The following FAM184B variants were observed in gnomAD, a reference collection of about 807,000 sequenced individuals.
The protein encoded by FAM184B is family with sequence similarity 184 member B, also known as protein FAM184B.
A neutral mutation model predicts 135.9 loss-of-function variants in FAM184B; 111 were observed. The observed-to-expected ratio is 0.82, with a 90% CI of 0.70 to 0.96. The LOEUF (loss-of-function observed/expected upper bound fraction) is 0.96. Ranked by LOEUF, FAM184B falls within the 40% of genes least tolerant of loss-of-function variation. FAM184B has a pLI of 0.00. For synonymous variants in FAM184B, 552 were observed against 524.8 expected (o/e 1.05, Z -0.71); for missense variants, 1,375 against 1,323.9 (o/e 1.04, Z -0.60).
chr4:17,647,230 A>T (rs1342692523), intron 12 of FAM184B, among the ~76,000 whole-genome samples: 1 of 148,878 alleles, frequency 6.7e-6, no homozygotes, highest in Non-Finnish European at 1.5e-5. Flanking sequence ...GAGGGGAATG[A>T]CCAAGTACCC....
At chr4:17,636,898 G>C (rs1378060974) in intron 14 of FAM184B, among the ~76,000 whole-genome samples, 1 of 152,164 alleles carries the variant, frequency 6.6e-6, no homozygotes, top group African/African-American at 2.4e-5. Context: ...TGCACTCAGC[G>C]GGGCTTCAAG....
chr4:17,687,215 A>G lies in FAM184B; in HGVS notation c.1596+1209T>C, dbSNP rs534128107. ...GTGTACACAGAAATGGGTAAACAAG[A>G]GACTGGTGAGACTGATGTGGTAAGA... On this transcript the variant is annotated intron_variant, in intron 7 of 17. Transcript: ENST00000265018. Among the ~76,000 whole-genome samples, 38 of 152,296 alleles carry G rather than the reference A, an allele frequency of 2.5e-4. No individual in the cohort carries two copies. The South Asian group carries it at 7.3e-3, about 29-fold the overall frequency.
chr4:17,639,188 T>C, intron 14 of FAM184B, 62 bp downstream of exon 14: 1 of 1,486,112 alleles, frequency 6.7e-7, no homozygotes, highest in Non-Finnish European at 9.2e-7. Flanking sequence ...TTGGGGTGAG[T>C]TGGCCACCCT....
At chr4:17,734,471 A>C (rs1717861086) in intron 1 of FAM184B, among the ~76,000 whole-genome samples, 1 of 152,312 alleles carries the variant, frequency 6.6e-6, no homozygotes, top group South Asian at 2.1e-4. Flanking sequence ...CAATGAACTC[A>C]AACAAATTTA....
intron 13 of FAM184B, 139 bp downstream of exon 13, chr4:17,641,917 G>T (rs1363941854): frequency 7.9e-7 from 1 of 1,270,384 alleles, no homozygotes; most frequent in Non-Finnish European, 1.0e-6. Flanking sequence ...CGCATTCAGT[G>T]TCTAGTGTCT....
chr4:17,664,762 G>T, intron 7 of FAM184B, 103 bp from the exon 8 acceptor site: 1 of 974,370 alleles, frequency 1.0e-6, no homozygotes, highest in Non-Finnish European at 1.5e-6. Context: ...GAGCAGAGAA[G>T]AGGGAGCCCC....
intron 11 of FAM184B, among the ~76,000 whole-genome samples, chr4:17,651,392 G>A (rs994691864): frequency 6.6e-6 from 1 of 151,832 alleles, no homozygotes; most frequent in African/African-American, 2.4e-5. Flanking sequence ...AGAAAAATTA[G>A]CCGGGCGTGG....
intron 12 of FAM184B, among the ~76,000 whole-genome samples, chr4:17,644,612 A>G (rs1008887317): frequency 2.0e-5 from 3 of 152,206 alleles, no homozygotes; most frequent in African/African-American, 7.2e-5. Flanking sequence ...ATTTATGACA[A>G]ACCCACAGCC....
rs2108963920 is a variant in FAM184B at position 17,705,109 on chromosome 4, T to C, written c.1268A>G (p.His423Arg). ...IKHQTEEEKKHLKDQLVKRLE... is the reference protein window; with the variant it reads ...IKHQTEEEKKRLKDQLVKRLE... ...TCGCTTCACTAGCTGGTCTTTGAGA[T>C]GTTTCTTCTCCTCTTCTGTCTGATG... Residue 423 changes from histidine (H) to arginine (R), a missense_variant, in exon 5 of 18, where the codon CAT becomes CGT. His to Arg is a conservative substitution (Grantham distance 29). Transcript: ENST00000265018. 1 of 1,551,792 alleles carries C rather than the reference T, an allele frequency of 6.4e-7. No individual in the cohort carries two copies. The highest frequency in any genetic ancestry group is 8.7e-7 in the Non-Finnish European group (1 of 1,147,006).
At chr4:17,736,880 C>T (rs1337434692) in intron 1 of FAM184B, among the ~76,000 whole-genome samples, 1 of 152,320 alleles carries the variant, frequency 6.6e-6, no homozygotes, top group East Asian at 1.9e-4. Context: ...TGCAGTGGCT[C>T]ACGCCTTTAA....
intron 1 of FAM184B, among the ~76,000 whole-genome samples, chr4:17,734,512 T>C (rs1717861749): frequency 6.6e-6 from 1 of 152,068 alleles, no homozygotes; most frequent in Non-Finnish European, 1.5e-5. Flanking sequence ...CATCAAAAAG[T>C]GGGCAAAGGA....
At chr4:17,775,138 A>G (rs112451187) in intron 1 of FAM184B, among the ~76,000 whole-genome samples, 57,877 of 149,006 alleles carry the variant, frequency 0.39, 12,873 homozygotes, top group Middle Eastern at 0.52. Flanking sequence ...CTGGGACTAC[A>G]GGTGTGCACC....
At chr4:17,649,885 CATCT>C (rs895141105) in intron 11 of FAM184B, among the ~76,000 whole-genome samples, 1 of 150,786 alleles carries the variant, frequency 6.6e-6, no homozygotes, top group Non-Finnish European at 1.5e-5. Context: ...TCCATCCACC[CATCT>C]ATCTGTCTAC....
chr4:17,765,124 G>A (rs185198170), intron 1 of FAM184B, among the ~76,000 whole-genome samples: 210 of 152,318 alleles, frequency 1.4e-3, no homozygotes, highest in African/African-American at 4.8e-3. Context: ...TTGCTCCCAT[G>A]GAGTTCTAGT....
chr4:17,684,222 CTATTATTAT>C (rs34197597), intron 7 of FAM184B, among the ~76,000 whole-genome samples: 1 of 144,564 alleles, frequency 6.9e-6, no homozygotes, highest in African/African-American at 2.5e-5. Flanking sequence ...AATATAATTA[CTATTATTAT>C]TATTATTATT....
At chr4:17,683,866 A>G (rs1716504130) in intron 7 of FAM184B, among the ~76,000 whole-genome samples, 1 of 152,010 alleles carries the variant, frequency 6.6e-6, no homozygotes, top group South Asian at 2.1e-4. Flanking sequence ...GTTTGAGCCC[A>G]GGAGTTTGAG....
At chr4:17,707,518 C>CCAGGCAGG in intron 3 of FAM184B, 131 bp downstream of exon 3, 1 of 1,190,520 alleles carries the variant, frequency 8.4e-7, no homozygotes, top group Non-Finnish European at 1.2e-6. Flanking sequence ...GTCTCACCCA[C>CCAGGCAGG]CAGGCAGGTC....
At chr4:17,668,198 T>C (rs895021992) in intron 7 of FAM184B, among the ~76,000 whole-genome samples, 1 of 152,220 alleles carries the variant, frequency 6.6e-6, no homozygotes, top group Non-Finnish European at 1.5e-5. Context: ...TCTGTCCTTC[T>C]TTCCTTCCAG....
chr4:17,681,493 C>G (rs1157615940), intron 7 of FAM184B, among the ~76,000 whole-genome samples: 2 of 152,218 alleles, frequency 1.3e-5, no homozygotes, highest in Admixed American at 1.3e-4. Context: ...TGGAACCAGA[C>G]CCTTCAATTC....
Sources: allele counts gnomAD v4.1 joint callset (sites outside exome capture counted in the v4.1 genomes callset), GRCh38; gene constraint gnomAD v4.1.1; transcripts MANE v1.5; gene names NCBI Gene and HGNC (gene_info 2026-07-23, HGNC 2026-07-21).